A2ML1: variants seen among roughly 807,000 people sequenced by gnomAD.
The protein encoded by A2ML1 is alpha-2-macroglobulin-like protein 1.
Under a neutral mutation model 181.9 loss-of-function variants are expected in A2ML1, and 161 were observed. That is an observed-to-expected ratio of 0.89 (90% CI 0.78 to 1.01). The LOEUF is 1.01. Among genes scored for constraint, A2ML1 ranks in the 50% least tolerant of loss-of-function variants. The probability of loss-of-function intolerance (pLI) is 0.00; values close to 1 mark genes in which losing one functional copy is unlikely to be tolerated. For missense variants in A2ML1, 1,670 were observed against 1,768.1 expected, an observed-to-expected ratio of 0.94 and a Z score of 1.00; for synonymous variants, 663 against 666.8, an observed-to-expected ratio of 0.99 and a Z score of 0.09.
intron 21 of A2ML1, 57 bp from the exon 22 acceptor site, chr12:8,854,723 G>T: frequency 2.5e-6 from 4 of 1,598,246 alleles, no homozygotes; most frequent in Non-Finnish European, 3.4e-6. Context: ...TTCCTTTAGT[G>T]CCATCCCTCC....
chr12:8,863,268 G>C (rs1316491173), intron 28 of A2ML1, among the ~76,000 whole-genome samples: 1 of 151,964 alleles, frequency 6.6e-6, no homozygotes, highest in Non-Finnish European at 1.5e-5. Context: ...CACCACGCCT[G>C]GCTAATTTTG....
chr12:8,870,171 C>T (rs1944569771), intron 33 of A2ML1, among the ~76,000 whole-genome samples: 1 of 152,178 alleles, frequency 6.6e-6, no homozygotes, highest in Admixed American at 6.5e-5. Context: ...ACATCCATTT[C>T]CAACCCCCTG....
intron 29 of A2ML1, among the ~76,000 whole-genome samples, chr12:8,867,388 C>T (rs952177945): frequency 5.3e-5 from 8 of 152,156 alleles, no homozygotes; most frequent in Non-Finnish European, 8.8e-5. Flanking sequence ...TGGCTCATGC[C>T]TGTCATCCCA....
chr12:8,884,408 C>A (rs1044986473), intron 7 of A2ML1, among the ~76,000 whole-genome samples: 1 of 151,746 alleles, frequency 6.6e-6, no homozygotes, highest in African/African-American at 2.4e-5. Flanking sequence ...CTTTTCTGCT[C>A]CTCTCCCTCC....
chr12:8,882,656 G>A (rs1164205080), intron 7 of A2ML1, among the ~76,000 whole-genome samples: 1 of 152,088 alleles, frequency 6.6e-6, no homozygotes, highest in Non-Finnish European at 1.5e-5. Context: ...GTCAGGTGAT[G>A]TACTGCCAGC....
chr12:8,863,262 ACG>A (rs1944329829), intron 28 of A2ML1, among the ~76,000 whole-genome samples: 3 of 151,842 alleles, frequency 2.0e-5, no homozygotes, highest in Admixed American at 6.6e-5. Flanking sequence ...ACGCGCCACC[ACG>A]CCTGGCTAAT....
intron 17 of A2ML1, 26 bp from the exon 18 acceptor site, chr12:8,850,134 A>G: frequency 1.9e-6 from 3 of 1,563,734 alleles, no homozygotes; most frequent in East Asian, 2.3e-5. Flanking sequence ...TGTTTCCTAA[A>G]GTTTTCGTAT....
At chr12:8,867,775 A>G (rs1456830592) in intron 29 of A2ML1, 67 bp from the exon 30 acceptor site, 2 of 1,386,064 alleles carry the variant, frequency 1.4e-6, no homozygotes, top group Admixed American at 1.7e-5. Context: ...TGTGGGTTAT[A>G]GAGTTGTTCA....
chr12:8,831,430 C>T (rs1412479897), intron 4 of A2ML1, among the ~76,000 whole-genome samples: 2 of 152,180 alleles, frequency 1.3e-5, no homozygotes, highest in South Asian at 4.1e-4. Flanking sequence ...CTGTTTTCTG[C>T]AGTTAGGCTC....
chr12:8,886,360 A>C (rs1170735558), intron 7 of A2ML1: 1 of 152,206 alleles, frequency 6.6e-6, no homozygotes, highest in East Asian at 1.9e-4. Flanking sequence ...TGCACATCTT[A>C]TATTAAATTA....
intron 3 of A2ML1, among the ~76,000 whole-genome samples, chr12:8,827,450 C>A (rs184416800): frequency 6.6e-6 from 1 of 152,040 alleles, no homozygotes; most frequent in Non-Finnish European, 1.5e-5. Context: ...AAAGTCAATA[C>A]CTCTTTTTTT....
chr12:8,869,584 T>A (rs1307950876), intron 33 of A2ML1, among the ~76,000 whole-genome samples: 1 of 152,218 alleles, frequency 6.6e-6, no homozygotes, highest in African/African-American at 2.4e-5. Context: ...ATTCTTTTTT[T>A]TTTTCTGTAC....
intron 3 of A2ML1, among the ~76,000 whole-genome samples, chr12:8,824,117 T>C (rs1391984496): frequency 1.3e-5 from 2 of 152,166 alleles, no homozygotes; most frequent in Non-Finnish European, 2.9e-5. Context: ...TACACATTTC[T>C]TCTGGAATAG....
intron 7 of A2ML1, 90 bp from the exon 8 acceptor site, chr12:8,837,350 A>G: frequency 4.6e-5 from 70 of 1,507,554 alleles, no homozygotes; most frequent in Middle Eastern, 1.9e-4. Flanking sequence ...CAGAGGCTGG[A>G]GTGTGAGAGG....
At chr12:8,858,969 C>T (rs1202075151) in intron 26 of A2ML1, among the ~76,000 whole-genome samples, 1 of 152,006 alleles carries the variant, frequency 6.6e-6, no homozygotes, top group African/African-American at 2.4e-5. Context: ...TACAACAAAT[C>T]AATGAGCTAG....
At position 8,822,719 on chromosome 12, in the gene A2ML1, T is replaced by A. The variant is rs1262001541; in HGVS notation, c.62+6T>A. 6.2e-7 allele frequency: 1 copy of A among 1,613,818 alleles called. No individual in the cohort carries two copies. The highest frequency in any genetic ancestry group is 1.3e-5 in the African/African-American group (1 of 74,912). On this transcript the variant is annotated splice_donor_region_variant and intron_variant, in intron 1 of 35. Transcript: ENST00000299698. ...GCCATTGCAGAAGAACTTCCGTGAGTGCTTGGTGTCAGAATTGGTTTATTA... is the reference window on the plus strand; with the variant it reads ...GCCATTGCAGAAGAACTTCCGTGAGAGCTTGGTGTCAGAATTGGTTTATTA...
chr12:8,838,994 T>G, intron 9 of A2ML1, 119 bp from the exon 10 acceptor site: 1 of 623,142 alleles, frequency 1.6e-6, no homozygotes, highest in Non-Finnish European at 2.7e-6. Flanking sequence ...TTTGGATCTT[T>G]GGCCAGAAAT....
chr12:8,848,983 A>G, intron 16 of A2ML1, 69 bp downstream of exon 16: 2 of 1,512,666 alleles, frequency 1.3e-6, no homozygotes, highest in Non-Finnish European at 8.9e-7. Flanking sequence ...GAAAGTTCAT[A>G]TCTAAGAAAG....
At position 8,855,493 on chromosome 12, in the gene A2ML1, T is replaced by C. The variant is rs769910451; in HGVS notation, c.2765-16T>C. The C allele has an allele frequency of 2.5e-6, 4 of 1,613,794 alleles. No homozygotes were observed. Among genetic ancestry groups the C allele is most frequent in the East Asian group, 2.2e-5 (1 of 44,880 alleles). On this transcript the variant is annotated splice_polypyrimidine_tract_variant and intron_variant, in intron 22 of 35. Transcript: ENST00000299698. ...CCCATCTTCTATTGTGTCACCTTTT[T>C]TTCTGCATCTCACAGGAAAGGTGGC...
Sources: allele counts gnomAD v4.1 joint callset (sites outside exome capture counted in the v4.1 genomes callset), GRCh38; gene constraint gnomAD v4.1.1; transcripts MANE v1.5; gene names NCBI Gene and HGNC (gene_info 2026-07-23, HGNC 2026-07-21).